The following RBFOX2 variants were observed in gnomAD, a reference collection of about 807,000 sequenced individuals.
The protein encoded by RBFOX2 is RNA binding fox-1 homolog 2.
A neutral mutation model predicts 49.1 loss-of-function variants in RBFOX2; 10 were observed. That is an observed-to-expected ratio of 0.20 (90% CI 0.13 to 0.35). The LOEUF (loss-of-function observed/expected upper bound fraction) is 0.35, where lower values mean the gene tolerates loss of function less well. RBFOX2 is among the 10% of genes least tolerant of loss of function. RBFOX2 has a pLI of 1.00. For missense variants in RBFOX2, 323 were observed against 486.9 expected (o/e 0.66, Z 3.17); for synonymous variants, 183 against 187.4 (o/e 0.98, Z 0.19).
intron 11 of RBFOX2, among the ~76,000 whole-genome samples, chr22:35,744,477 T>G (rs982900833): frequency 2.0e-5 from 3 of 152,176 alleles, no homozygotes; most frequent in Admixed American, 2.0e-4. Flanking sequence ...AAGGAGAGTA[T>G]GACGACATTT....
At chr22:35,871,711 G>A (rs969631891) in intron 1 of RBFOX2, among the ~76,000 whole-genome samples, 2 of 152,170 alleles carry the variant, frequency 1.3e-5, no homozygotes, top group Non-Finnish European at 2.9e-5. Flanking sequence ...AAGAGGCACT[G>A]ACAAAAAATG....
At chr22:35,805,430 T>G (rs1434482456) in intron 2 of RBFOX2, among the ~76,000 whole-genome samples, 1 of 150,670 alleles carries the variant, frequency 6.6e-6, no homozygotes, top group Non-Finnish European at 1.5e-5. Flanking sequence ...AAAACAACAA[T>G]GAGATACAAC....
At chr22:35,928,499 A>T (rs975408475) in intron 1 of RBFOX2, among the ~76,000 whole-genome samples, 1 of 152,232 alleles carries the variant, frequency 6.6e-6, no homozygotes, top group South Asian at 2.1e-4. Flanking sequence ...ACAAACCTGC[A>T]AATCTTCTTT....
intron 1 of RBFOX2, among the ~76,000 whole-genome samples, chr22:35,895,318 C>A (rs563353432): frequency 7.7e-4 from 118 of 152,266 alleles, no homozygotes; most frequent in African/African-American, 2.8e-3. Flanking sequence ...AAGATGAGTT[C>A]TTTAAACATG....
intron 1 of RBFOX2, among the ~76,000 whole-genome samples, chr22:35,869,827 G>A: frequency 6.6e-6 from 1 of 152,170 alleles, no homozygotes; most frequent in East Asian, 1.9e-4. Flanking sequence ...GAAAATGAGA[G>A]ACTCTAAACC....
At position 35,753,771 on chromosome 22, in the gene RBFOX2, CTTTTTTTTTTTTTTTTTTT is replaced by C. The variant is rs869178693; in HGVS notation, c.887+6098_887+6116del. The stretch of plus-strand genomic sequence containing the variant: ...CTTAACAAGTTTGAAGTAGACAAGT[CTTTTTTTTTTTTTTTTTTT>C]TTTTTTTTTTGAGACGAAGTCTAGC... On this transcript the variant is annotated intron_variant, in intron 9 of 11. Coordinates refer to ENST00000405409, the Ensembl canonical transcript of RBFOX2. 9.2e-5 allele frequency among the ~76,000 whole-genome samples: 5 copies of C among 54,470 alleles called. No individual in the cohort carries two copies. In the Admixed American group the frequency reaches 1.2e-3, roughly 13 times the overall value. 35.7% of individuals were successfully genotyped at this position (54,470 alleles called of 152,430 possible).
At position 35,753,738 on chromosome 22, in the gene RBFOX2, T is replaced by C. The variant is rs80145838; in HGVS notation, c.887+6150A>G. 3.3e-3 allele frequency among the ~76,000 whole-genome samples: 499 copies of C among 150,336 alleles called. 1 individual carries two copies. The highest frequency in any genetic ancestry group is 0.011 in the African/African-American group (439 of 41,058). On this transcript the variant is annotated intron_variant, in intron 9 of 11. Transcript: ENST00000405409. ...GTAAGATAACTATTAAAAAATTGGG[T>C]TGGTTGACTTAACAAGTTTGAAGTA...
At chr22:35,743,877 T>C in exon 12 of RBFOX2, 1 of 253,086 alleles carries the variant, frequency 4.0e-6, no homozygotes, top group Non-Finnish European at 7.4e-6. Context: ...GACTGCCTCT[T>C]CCGTGATTGA....
chr22:35,997,004 A>G (rs562459477), intron 1 of RBFOX2: 1 of 152,238 alleles, frequency 6.6e-6, no homozygotes, highest in Non-Finnish European at 1.5e-5. Context: ...ACCTTTCCTA[A>G]GAAAGAACTT....
intron 1 of RBFOX2, among the ~76,000 whole-genome samples, chr22:35,853,001 A>G (rs565516901): frequency 3.0e-4 from 45 of 152,324 alleles, no homozygotes; most frequent in Admixed American, 2.9e-3. Context: ...GCATTATTAA[A>G]TGAAAAAAAT....
chr22:35,811,748 G>A (rs929508069), intron 1 of RBFOX2, among the ~76,000 whole-genome samples: 2 of 152,126 alleles, frequency 1.3e-5, no homozygotes, highest in East Asian at 1.9e-4. Flanking sequence ...AGGACTGCCT[G>A]CGGCTAGGAG....
chr22:36,010,135 A>C (rs989048876), intron 1 of RBFOX2, among the ~76,000 whole-genome samples: 2 of 152,100 alleles, frequency 1.3e-5, no homozygotes, highest in Non-Finnish European at 2.9e-5. Context: ...GCTGGGTAGA[A>C]TGCAGGCAGT....
intron 1 of RBFOX2, among the ~76,000 whole-genome samples, chr22:35,916,605 T>C (rs959934200): frequency 6.6e-6 from 1 of 152,020 alleles, no homozygotes; most frequent in Admixed American, 6.6e-5. Flanking sequence ...TTAATAGTAA[T>C]GAGGAGTGGG....
chr22:35,791,530 T>C (rs546616097), intron 2 of RBFOX2, among the ~76,000 whole-genome samples: 2 of 152,336 alleles, frequency 1.3e-5, no homozygotes, highest in East Asian at 3.9e-4. Flanking sequence ...CAAAATGTGA[T>C]TGGAACTCTT....
chr22:35,900,283 T>C (rs2048409029), intron 1 of RBFOX2, among the ~76,000 whole-genome samples: 1 of 152,064 alleles, frequency 6.6e-6, no homozygotes, highest in Non-Finnish European at 1.5e-5. Context: ...CCAGCTATTT[T>C]TGTATTTTTA....
intron 4 of RBFOX2, 124 bp downstream of exon 5, chr22:35,777,901 G>A (rs1017098292): frequency 1.0e-6 from 1 of 969,648 alleles, no homozygotes; most frequent in Non-Finnish European, 1.5e-6. Context: ...CTAAACCAAG[G>A]TGGATAATTA....
intron 1 of RBFOX2, among the ~76,000 whole-genome samples, chr22:35,900,175 A>T (rs1434961376): frequency 1.3e-5 from 2 of 152,096 alleles, no homozygotes; most frequent in Non-Finnish European, 1.5e-5. Flanking sequence ...GTGCAGTGGC[A>T]TGATCTCGGC....
chr22:36,008,133 C>A (rs578140188), intron 1 of RBFOX2, among the ~76,000 whole-genome samples: 1 of 152,220 alleles, frequency 6.6e-6, no homozygotes, highest in African/African-American at 2.4e-5. Context: ...TTTTCACCAC[C>A]ACAGCAATAT....
chr22:35,744,244 A>G, exon 12 of RBFOX2: 1 of 1,611,564 alleles, frequency 6.2e-7, no homozygotes, highest in Non-Finnish European at 8.5e-7. Flanking sequence ...CTCGGTATAA[A>G]CTCGCCTGCA....
Sources: gnomAD v4.1 joint callset for allele counts (sites outside exome capture counted in the v4.1 genomes callset) on GRCh38, gnomAD v4.1.1 for gene constraint, MANE v1.5 for transcripts, NCBI Gene and HGNC (gene_info 2026-07-23, HGNC 2026-07-21) for gene names.